Variants in WNT3A observed in about 807,000 individuals in gnomAD.
The protein encoded by WNT3A is protein Wnt-3a.
A neutral mutation model predicts 37.0 loss-of-function variants in WNT3A; 17 were observed. The observed-to-expected ratio is 0.46, with a 90% CI of 0.31 to 0.69. The LOEUF (loss-of-function observed/expected upper bound fraction) is 0.69. Among genes scored for constraint, WNT3A ranks in the 30% least tolerant of loss-of-function variants. The pLI is 0.05. For synonymous variants in WNT3A, 187 were observed against 211.0 expected, an observed-to-expected ratio of 0.89 and a Z score of 0.99; for missense variants, 411 against 510.2, an observed-to-expected ratio of 0.81 and a Z score of 1.87.
At chr1:228,044,989 C>T (rs955124620) in intron 2 of WNT3A, among the ~76,000 whole-genome samples, 1 of 152,200 alleles carries the variant, frequency 6.6e-6, no homozygotes, top group Non-Finnish European at 1.5e-5. Flanking sequence ...CAGGGAGCTC[C>T]ACCTCCACAT....
chr1:228,016,830 T>C (rs1243105132), intron 1 of WNT3A, among the ~76,000 whole-genome samples: 1 of 150,504 alleles, frequency 6.6e-6, no homozygotes, highest in African/African-American at 2.5e-5. Flanking sequence ...CAGGGGAGGG[T>C]GCCAGGCTCC....
intron 1 of WNT3A, among the ~76,000 whole-genome samples, chr1:228,010,295 G>A (rs1332486070): frequency 6.6e-6 from 1 of 152,164 alleles, no homozygotes; most frequent in Non-Finnish European, 1.5e-5. Flanking sequence ...ATCTCCCCAG[G>A]GACCCCACCA....
At chr1:228,032,466 T>C (rs1011750289) in intron 2 of WNT3A, among the ~76,000 whole-genome samples, 1 of 152,228 alleles carries the variant, frequency 6.6e-6, no homozygotes, top group South Asian at 2.1e-4. Flanking sequence ...GAAAGGCCTA[T>C]GAACGAGTCC....
At chr1:228,046,799 G>A (rs567377601) in intron 2 of WNT3A, among the ~76,000 whole-genome samples, 1 of 150,682 alleles carries the variant, frequency 6.6e-6, no homozygotes, top group East Asian at 2.0e-4. Context: ...TGTGATGTGT[G>A]CATGTGTGTG....
intron 2 of WNT3A, among the ~76,000 whole-genome samples, chr1:228,024,194 C>A (rs552563977): frequency 6.6e-6 from 1 of 152,280 alleles, no homozygotes; most frequent in Admixed American, 6.5e-5. Flanking sequence ...AATTCTGTTT[C>A]GCTTTGCTTG....
intron 1 of WNT3A, among the ~76,000 whole-genome samples, chr1:228,013,656 G>A (rs1012588020): frequency 5.3e-5 from 8 of 152,170 alleles, no homozygotes; most frequent in Non-Finnish European, 7.4e-5. Flanking sequence ...GACCCTGGCC[G>A]GCTCACAAGG....
At chr1:228,033,018 G>T (rs1469053692) in intron 2 of WNT3A, among the ~76,000 whole-genome samples, 3 of 152,096 alleles carry the variant, frequency 2.0e-5, no homozygotes, top group Non-Finnish European at 2.9e-5. Context: ...CATTTTAATT[G>T]GGTTATTTGT....
In WNT3A at chr1:228,059,547, A is replaced by C; in HGVS notation, c.*82A>C. 7.0e-7 allele frequency: 1 copy of C among 1,429,412 alleles called. No homozygotes were observed. The highest frequency in any genetic ancestry group is 9.1e-7 in the Non-Finnish European group (1 of 1,097,506). The allele number at this position is 1,429,412 out of a possible 1,614,324, so 88.5% of individuals were successfully genotyped here. A position where few individuals can be genotyped will look rare whatever the true frequency, so the allele number is the denominator to read the frequency against. ...CCTGGGTGGAGCAGGACTCCCACCT[A>C]AACGGGGCAGTACTCCTCCCTGGGG... On this transcript the variant is annotated 3_prime_UTR_variant, in exon 4 of 4. Transcript: ENST00000284523.
At position 228,054,729 on chromosome 1, in the gene WNT3A, A is replaced by C. The variant is rs1264935706; in HGVS notation, c.579+3808A>C. ...AGTGAGTTAAACCAGAAAAAAAAAA[A>C]AAAACACAAGTACACAGGGAATTCA... On this transcript the variant is annotated intron_variant, in intron 3 of 3. Transcript: ENST00000284523. Among the ~76,000 whole-genome samples, 5 of 151,776 alleles carry C rather than the reference A, an allele frequency of 3.3e-5. No individual in the cohort carries two copies. The South Asian group carries it at 8.3e-4, about 25-fold the overall frequency.
chr1:228,057,126 TA>T (rs754685719), intron 3 of WNT3A, among the ~76,000 whole-genome samples: 2 of 152,212 alleles, frequency 1.3e-5, no homozygotes, highest in Non-Finnish European at 2.9e-5. Flanking sequence ...GGTACATGGA[TA>T]ACACCAACTA....
chr1:228,007,264 C>G lies in WNT3A; in HGVS notation c.71+65C>G. On this transcript the variant is annotated intron_variant, in intron 1 of 3. Transcript: ENST00000284523. The surrounding 1 kb of genome is among the most constrained non-coding windows in gnomAD (Gnocchi z 6.0). ...CCGCGCCCGCAGCAGACGGTCCCCTCGGGCAGGGACCCCGCGGTGGCCCGA... is the reference window on the plus strand; with the variant it reads ...CCGCGCCCGCAGCAGACGGTCCCCTGGGGCAGGGACCCCGCGGTGGCCCGA... 6.6e-7 allele frequency: 1 copy of G among 1,508,784 alleles called. No homozygotes were observed. The highest frequency in any genetic ancestry group is 9.0e-7 in the Non-Finnish European group (1 of 1,111,988). The allele number at this position is 1,508,784 out of a possible 1,614,324, so 93.5% of individuals were successfully genotyped here. A position where few individuals can be genotyped will look rare whatever the true frequency, so the allele number is the denominator to read the frequency against.
At position 228,059,726 on chromosome 1, in the gene WNT3A, T is replaced by C. The variant is rs561661836; in HGVS notation, c.*261T>C. On this transcript the variant is annotated 3_prime_UTR_variant, in exon 4 of 4. Coordinates refer to ENST00000284523, the MANE Select transcript of WNT3A (RefSeq NM_033131.4). ...GGATGGGGAGGGGCTCTGCGTTGGC[T>C]TCTCCCTGGGGACGGGGCTCCCCTG... 5 of 1,306,138 alleles carry C rather than the reference T, an allele frequency of 3.8e-6. No homozygotes were observed. Among genetic ancestry groups the C allele is most frequent in the Non-Finnish European group, 4.8e-6 (5 of 1,031,690 alleles). The allele number at this position is 1,306,138 out of a possible 1,614,324, so 80.9% of individuals were successfully genotyped here. A position where few individuals can be genotyped will look rare whatever the true frequency, so the allele number is the denominator to read the frequency against.
rs562285448 is a variant in WNT3A, at chr1:228,019,083, G to A, written c.72-3584G>A. On this transcript the variant is annotated intron_variant, in intron 1 of 3. Coordinates refer to ENST00000284523, the MANE Select transcript of WNT3A (RefSeq NM_033131.4). Reference sequence around the variant, plus strand: ...GCCACCTGCACCCTGGCCATACTCAGGAAGGTGGTGGGCCAGGGCCCACCC... The same window carrying A: ...GCCACCTGCACCCTGGCCATACTCAAGAAGGTGGTGGGCCAGGGCCCACCC... Among the ~76,000 whole-genome samples, 3 of 152,362 alleles carry A rather than the reference G, an allele frequency of 2.0e-5. No homozygotes were observed. The East Asian group carries it at 5.8e-4, about 29-fold the overall frequency.
chr1:228,030,578 C>A (rs1205951169), intron 2 of WNT3A, among the ~76,000 whole-genome samples: 1 of 152,086 alleles, frequency 6.6e-6, no homozygotes, highest in Non-Finnish European at 1.5e-5. Context: ...CAGTGCCTTG[C>A]CCTTGGACTT....
chr1:228,033,611 C>T (rs2031064909), intron 2 of WNT3A, among the ~76,000 whole-genome samples: 2 of 152,154 alleles, frequency 1.3e-5, no homozygotes, highest in Non-Finnish European at 1.5e-5. Context: ...TCCTCCTGCT[C>T]GTCTTTCTTT....
intron 1 of WNT3A, among the ~76,000 whole-genome samples, chr1:228,011,019 T>C (rs1240668607): frequency 6.6e-6 from 1 of 152,140 alleles, no homozygotes; most frequent in Non-Finnish European, 1.5e-5. Context: ...AGCCAGTGTC[T>C]GCACTGCACC....
At chr1:228,023,121 C>G (rs1005534811) in intron 2 of WNT3A, among the ~76,000 whole-genome samples, 1 of 152,238 alleles carries the variant, frequency 6.6e-6, no homozygotes, top group Admixed American at 6.5e-5. Context: ...CTCCTGCTCC[C>G]TGGAGAGGAA....
At chr1:228,018,623 C>T (rs2030600431) in intron 1 of WNT3A, among the ~76,000 whole-genome samples, 1 of 152,136 alleles carries the variant, frequency 6.6e-6, no homozygotes, top group Non-Finnish European at 1.5e-5. Flanking sequence ...AACTCCTGGC[C>T]TCAAGCAATC....
chr1:228,046,286 G>T (rs2031403554), intron 2 of WNT3A, among the ~76,000 whole-genome samples: 1 of 151,900 alleles, frequency 6.6e-6, no homozygotes, highest in African/African-American at 2.4e-5. Flanking sequence ...GCATGTGTTT[G>T]CATGTGTGTG....
Sources: allele counts gnomAD v4.1 joint callset (sites outside exome capture counted in the v4.1 genomes callset), GRCh38; gene constraint gnomAD v4.1.1; non-coding constraint Gnocchi (gnomAD v3.1); transcripts MANE v1.5; gene names NCBI Gene and HGNC (gene_info 2026-07-23, HGNC 2026-07-21).